Variants in MED13L observed in about 807,000 individuals in gnomAD.
MED13L encodes the protein mediator of RNA polymerase II transcription subunit 13-like.
Under a neutral mutation model 220.9 loss-of-function variants are expected in MED13L, and 7 were observed. The ratio of observed to expected loss-of-function variants is 0.03; its 90% CI spans 0.02 to 0.06. The LOEUF is 0.06. Ranked by LOEUF, MED13L falls within the 10% of genes least tolerant of loss-of-function variation. The pLI is 1.00. For synonymous variants in MED13L, 1,011 were observed against 1,015.2 expected, an observed-to-expected ratio of 1.00 and a Z score of 0.08; for missense variants, 1,965 against 2,760.5, an observed-to-expected ratio of 0.71 and a Z score of 6.46.
intron 4 of MED13L, among the ~76,000 whole-genome samples, chr12:116,084,273 A>G (rs552008549): frequency 1.9e-4 from 29 of 152,234 alleles, no homozygotes; most frequent in Non-Finnish European, 3.4e-4. Context: ...CCTACAAAAC[A>G]TGCTTGAAAT....
chr12:116,141,472 G>A (rs1877070255), intron 2 of MED13L, among the ~76,000 whole-genome samples: 1 of 152,130 alleles, frequency 6.6e-6, no homozygotes, highest in Non-Finnish European at 1.5e-5. Context: ...TTTGTATCCA[G>A]ATTTTTAAAA....
intron 4 of MED13L, among the ~76,000 whole-genome samples, chr12:116,060,300 G>A (rs1005559525): frequency 1.5e-4 from 23 of 151,828 alleles, no homozygotes; most frequent in Admixed American, 7.9e-4. Flanking sequence ...AAAACAGGCC[G>A]GGCGTGGTAA....
Position 116,008,752 on chromosome 12 carries a change from G to A in MED13L, c.1661C>T (p.Pro554Leu). 2 of 1,614,030 alleles carry A rather than the reference G, an allele frequency of 1.2e-6. No homozygotes were observed. Among genetic ancestry groups the A allele is most frequent in the Non-Finnish European group, 8.5e-7 (1 of 1,180,008 alleles). Residue 554 changes from proline (P) to leucine (L), a missense_variant, in exon 10 of 31, where the codon CCT becomes CTT. By Grantham distance (98) the Pro-to-Leu change is moderately conservative (BLOSUM62 -3). Transcript: ENST00000281928. ...CTGAGGGCTGAGTGTTGGTGGCAGA[G>A]GGGATATAGGGGAATGAGGTGAATC... ...PMDSPHSPIS[P>L]LPPTLSPQPR...
intron 2 of MED13L, among the ~76,000 whole-genome samples, chr12:116,201,907 A>T (rs1422635230): frequency 6.6e-6 from 1 of 152,220 alleles, no homozygotes; most frequent in Non-Finnish European, 1.5e-5. Context: ...CTATCATCAA[A>T]ACTCCATGAA....
At chr12:116,088,596 C>T (rs1467160490) in intron 4 of MED13L, among the ~76,000 whole-genome samples, 3 of 152,054 alleles carry the variant, frequency 2.0e-5, no homozygotes, top group Admixed American at 1.3e-4. Flanking sequence ...CAAGAATCAA[C>T]AGTGCCAAGG....
At chr12:116,044,182 T>C (rs1051364645) in intron 4 of MED13L, among the ~76,000 whole-genome samples, 1 of 152,180 alleles carries the variant, frequency 6.6e-6, no homozygotes, top group African/African-American at 2.4e-5. Context: ...GCCCACCCCA[T>C]GGATTACAAA....
intron 29 of MED13L, among the ~76,000 whole-genome samples, chr12:115,963,920 A>C (rs1875952103): frequency 6.6e-6 from 1 of 152,006 alleles, no homozygotes; most frequent in Admixed American, 6.6e-5. Context: ...TACCATCTCT[A>C]TAAAACATTA....
intron 2 of MED13L, among the ~76,000 whole-genome samples, chr12:116,192,653 C>T (rs1881356613): frequency 1.3e-5 from 2 of 152,280 alleles, no homozygotes; most frequent in Admixed American, 1.3e-4. Context: ...AAGACTCTTC[C>T]ATTTCCAGGA....
chr12:115,964,587 T>C (rs1876010466), intron 29 of MED13L, among the ~76,000 whole-genome samples: 1 of 152,176 alleles, frequency 6.6e-6, no homozygotes, highest in Non-Finnish European at 1.5e-5. Context: ...TGATGACTGA[T>C]TTTTTGTTTG....
chr12:116,242,287 C>G (rs764195638), intron 1 of MED13L, among the ~76,000 whole-genome samples: 1 of 152,078 alleles, frequency 6.6e-6, no homozygotes, highest in Non-Finnish European at 1.5e-5. Context: ...TCAGGTGATA[C>G]GCTTGCCTTG....
intron 4 of MED13L, among the ~76,000 whole-genome samples, chr12:116,093,672 T>C (rs958627693): frequency 3.9e-5 from 6 of 152,032 alleles, no homozygotes; most frequent in African/African-American, 1.4e-4. Flanking sequence ...AATCCTAGCA[T>C]ATACTATCTA....
chr12:116,268,781 A>G (rs545497408), intron 1 of MED13L, among the ~76,000 whole-genome samples: 2 of 152,354 alleles, frequency 1.3e-5, no homozygotes, highest in African/African-American at 4.8e-5. Flanking sequence ...TTACAATTAC[A>G]TATTTTATTT....
At chr12:116,036,070 G>A (rs1440797733) in intron 4 of MED13L, among the ~76,000 whole-genome samples, 2 of 152,126 alleles carry the variant, frequency 1.3e-5, no homozygotes, top group Non-Finnish European at 2.9e-5. Flanking sequence ...AGCTCCATGA[G>A]GGTAGAAACC....
At chr12:116,011,258 G>A (rs1592945072) in intron 9 of MED13L, among the ~76,000 whole-genome samples, 1 of 152,054 alleles carries the variant, frequency 6.6e-6, no homozygotes, top group Non-Finnish European at 1.5e-5. Context: ...AAGTTGGAAA[G>A]TCAATGGAAT....
chr12:115,963,973 G>C (rs921160786), intron 29 of MED13L, among the ~76,000 whole-genome samples: 1 of 152,020 alleles, frequency 6.6e-6, no homozygotes, highest in Non-Finnish European at 1.5e-5. Context: ...TGTAGTCCCA[G>C]CTACTCAGAA....
intron 4 of MED13L, among the ~76,000 whole-genome samples, chr12:116,062,007 C>T (rs1245843390): frequency 3.9e-5 from 1 of 25,758 alleles, no homozygotes; most frequent in East Asian, 2.0e-3. Context: ...GACTCCACAT[C>T]GAAAAAAAAA....
chr12:115,981,932 T>G (rs1024704450), intron 22 of MED13L: 1 of 189,266 alleles, frequency 5.3e-6, no homozygotes, highest in African/African-American at 2.4e-5. Flanking sequence ...TATACTTTCA[T>G]GTACAGGTTG....
Position 116,012,702 on chromosome 12 carries a change from A to C in MED13L, c.1280+95T>G. 2 of 897,266 alleles carry C rather than the reference A, an allele frequency of 2.2e-6. 1 individual carries two copies. Among genetic ancestry groups the C allele is most frequent in the South Asian group, 2.6e-5 (2 of 76,354 alleles). 55.6% of individuals were successfully genotyped at this position (897,266 alleles called of 1,614,324 possible). Reference sequence around the variant, plus strand: ...TTTCTTCTCTACTGGAGGAGAATGGAGAATCAGGAAGAACTGATCTGTGAG... The same window carrying C: ...TTTCTTCTCTACTGGAGGAGAATGGCGAATCAGGAAGAACTGATCTGTGAG... On this transcript the variant is annotated intron_variant, in intron 9 of 30. Coordinates refer to ENST00000281928, the MANE Select transcript of MED13L (RefSeq NM_015335.5).
chr12:116,027,837 C>T (rs954301256), intron 4 of MED13L, among the ~76,000 whole-genome samples: 1 of 152,172 alleles, frequency 6.6e-6, no homozygotes, highest in African/African-American at 2.4e-5. Flanking sequence ...CATCAGATAA[C>T]TCCAAGTTAC....
Sources: allele counts gnomAD v4.1 joint callset (sites outside exome capture counted in the v4.1 genomes callset), GRCh38; gene constraint gnomAD v4.1.1; transcripts MANE v1.5; gene names NCBI Gene and HGNC (gene_info 2026-07-23, HGNC 2026-07-21).